CCKBR: variants seen among roughly 807,000 people sequenced by gnomAD.
The protein encoded by CCKBR is cholecystokinin B receptor, also known as gastrin/cholecystokinin type B receptor.
Under a neutral mutation model 34.6 loss-of-function variants are expected in CCKBR, and 33 were observed. The ratio of observed to expected loss-of-function variants is 0.95; its 90% CI spans 0.72 to 1.27. The LOEUF (loss-of-function observed/expected upper bound fraction) is 1.27, where lower values mean the gene tolerates loss of function less well. Among genes scored for constraint, CCKBR ranks in the 50% most tolerant of loss-of-function variants. CCKBR has a pLI of 0.00. For synonymous variants in CCKBR, 269 were observed against 267.5 expected, an observed-to-expected ratio of 1.01 and a Z score of -0.06; for missense variants, 652 against 617.4, an observed-to-expected ratio of 1.06 and a Z score of -0.59.
chr11:6,260,721 CTCTT>C (rs1848116961), intron 1 of CCKBR, among the ~76,000 whole-genome samples: 1 of 152,254 alleles, frequency 6.6e-6, no homozygotes, highest in Non-Finnish European at 1.5e-5. Context: ...TGTGCCCTCT[CTCTT>C]TGTCTGCAAG....
chr11:6,271,066 C>A lies in CCKBR; in HGVS notation c.867C>A (p.Asp289Glu), dbSNP rs200976920. ...CTGAGACTGGCGCGGTTGGCGAAGA[C>A]AGCGATGGCTGCTACGTGCAACTTC... ...CRPETGAVGE[D>E]SDGCYVQLPR... The change falls in exon 5 of 5, where the codon GAC becomes GAA. Residue 289 changes from aspartate to glutamate, a missense_variant. Coordinates refer to ENST00000334619, the MANE Select transcript of CCKBR (RefSeq NM_176875.4). 10 of 1,614,068 alleles carry A rather than the reference C, an allele frequency of 6.2e-6. No homozygotes were observed. The highest frequency in any genetic ancestry group is 3.3e-4 in the Middle Eastern group (2 of 6,084).
intron 1 of CCKBR, 89 bp from the exon 2 acceptor site, chr11:6,269,580 T>C: frequency 6.9e-7 from 1 of 1,450,894 alleles, no homozygotes; most frequent in Non-Finnish European, 9.5e-7. Context: ...TCTGGCTGGG[T>C]AGTGAGGGTT....
intron 1 of CCKBR, among the ~76,000 whole-genome samples, 165 bp downstream of exon 1, chr11:6,260,244 A>C (rs1848110028): frequency 7.0e-6 from 1 of 142,506 alleles, no homozygotes; most frequent in Admixed American, 7.1e-5. Context: ...CTTCACCCCC[A>C]CAGCCTACAA....
At chr11:6,260,181 C>A in intron 1 of CCKBR, 102 bp downstream of exon 1, 1 of 795,408 alleles carries the variant, frequency 1.3e-6, no homozygotes, top group Non-Finnish European at 1.9e-6. Context: ...CTCAAACGTC[C>A]ACACCGTGCC....
chr11:6,264,737 A>ACACACACACG lies in CCKBR; in HGVS notation c.151+4665_151+4666insACGCACACAC, dbSNP rs6144195. On this transcript the variant is annotated intron_variant, in intron 1 of 4. Coordinates refer to ENST00000334619, the MANE Select transcript of CCKBR (RefSeq NM_176875.4). Reference sequence around the variant, plus strand: ...AACACACATCAATACACACACACACACACACACGCATACAAGTCTAAGTCT... The same window carrying ACACACACACG: ...AACACACATCAATACACACACACACACACACACACGCACACACGCATACAAGTCTAAGTCT... 1,400 of 508,444 alleles carry ACACACACACG rather than the reference A, an allele frequency of 2.8e-3. 9 individuals carry two copies. Among genetic ancestry groups the ACACACACACG allele is most frequent in the African/African-American group, 0.018 (945 of 51,248 alleles). 31.5% of individuals were successfully genotyped at this position (508,444 alleles called of 1,614,324 possible).
At position 6,270,799 on chromosome 11, in the gene CCKBR, G is replaced by T; in HGVS notation, c.807G>T (p.Leu269=). Residue 269 remains leucine, a synonymous_variant, in exon 4 of 5, where the codon CTG becomes CTT. Transcript: ENST00000334619. ...GCAGGGTCCGAAACCAAGGCGGGCT[G>T]CCAGGTGGGGCTGGACCACGTGAGC... ...SQSRVRNQGG[L]PGAVHQNGRC... is the part of the protein sequence containing the mutation. The T allele has an allele frequency of 6.2e-7, 1 of 1,614,162 alleles. No homozygotes were observed. The highest frequency in any genetic ancestry group is 8.5e-7 in the Non-Finnish European group (1 of 1,180,042).
Position 6,270,732 on chromosome 11 carries a change from T to C in CCKBR, c.740T>C (p.Leu247Ser). 1 of 1,614,164 alleles carries C rather than the reference T, an allele frequency of 6.2e-7. No individual in the cohort carries two copies. Among genetic ancestry groups the C allele is most frequent in the Non-Finnish European group, 8.5e-7 (1 of 1,180,042 alleles). The change falls in exon 4 of 5, where the codon TTA (leucine) becomes TCA (serine). Residue 247 changes from leucine (L) to serine (S), a missense_variant. Transcript: ENST00000334619. ...AYGLISRELY[L>S]GLRFDGDSDS... ...GGGCTTATCTCTCGCGAGCTCTACT[T>C]AGGGCTTCGCTTTGACGGCGACAGT...
intron 1 of CCKBR, among the ~76,000 whole-genome samples, chr11:6,261,462 T>TATATATACACACACAC (rs764173521): frequency 2.2e-3 from 143 of 63,966 alleles, no homozygotes; most frequent in East Asian, 3.8e-3. Flanking sequence ...AAAATATATA[T>TATATATACACACACAC]ACACACACAC....
chr11:6,259,874 C>G lies in CCKBR; in HGVS notation c.-55C>G, dbSNP rs967953840. 26 of 1,358,136 alleles carry G rather than the reference C, an allele frequency of 1.9e-5. No individual in the cohort carries two copies. Among genetic ancestry groups the G allele is most frequent in the South Asian group, 1.9e-4 (11 of 57,982 alleles). The allele number at this position is 1,358,136 out of a possible 1,614,324, so 84.1% of individuals were successfully genotyped here. On this transcript the variant is annotated 5_prime_UTR_variant, in exon 1 of 5. Transcript: ENST00000334619. ...GAATCGCAGCGTGAGCAGGTGGAGC[C>G]GCGTTGGGAGCCCGCCGGGTCGAGC...
In CCKBR at chr11:6,270,319, C is replaced by T. The variant is rs201033271; in HGVS notation, c.635C>T (p.Ala212Val). 3.1e-6 allele frequency: 5 copies of T among 1,612,254 alleles called. No homozygotes were observed. Among genetic ancestry groups the T allele is most frequent in the Non-Finnish European group, 4.2e-6 (5 of 1,179,424 alleles). Residue 212 changes from alanine to valine, a missense_variant, in exon 3 of 5, where the codon GCG (alanine) becomes GTG (valine). Coordinates refer to ENST00000334619, the MANE Select transcript of CCKBR (RefSeq NM_176875.4). ...CAGTGCGTGCATCGCTGGCCCAGTG[C>T]GCGGGTCCGCCAGACCTGGTGAGCT... The part of the protein sequence containing the change: ...VLQCVHRWPS[A>V]RVRQTWSVLL...
intron 1 of CCKBR, among the ~76,000 whole-genome samples, chr11:6,265,356 G>T (rs535304343): frequency 3.3e-5 from 5 of 152,176 alleles, no homozygotes; most frequent in African/African-American, 1.2e-4. Flanking sequence ...CCATCTTTAT[G>T]GTCTATCACA....
At chr11:6,263,415 A>G (rs1374622612) in intron 1 of CCKBR, among the ~76,000 whole-genome samples, 1 of 152,160 alleles carries the variant, frequency 6.6e-6, no homozygotes, top group Non-Finnish European at 1.5e-5. Context: ...AAAAGCTTAA[A>G]TATTACTTAC....
chr11:6,270,013 T>A, intron 2 of CCKBR, 75 bp from the exon 3 acceptor site: 1 of 1,589,470 alleles, frequency 6.3e-7, no homozygotes, highest in Non-Finnish European at 8.6e-7. Flanking sequence ...CAGGGAGGGG[T>A]GTGAGGAAGT....
intron 4 of CCKBR, 58 bp from the exon 5 acceptor site, chr11:6,270,953 T>A (rs1848295972): frequency 6.2e-6 from 10 of 1,612,798 alleles, no homozygotes; most frequent in South Asian, 1.1e-5. Context: ...AGGTGGGGAC[T>A]GGGCTGGAGA....
At position 6,271,052 on chromosome 11, in the gene CCKBR, G is replaced by A. The variant is rs777883079; in HGVS notation, c.853G>A (p.Ala285Thr). The change falls in exon 5 of 5, where the codon GCG becomes ACG. Residue 285 changes from alanine to threonine, a missense_variant. Transcript: ENST00000334619. ...QNGRCRPETGAVGEDSDGCYV... is the reference protein window; with the variant it reads ...QNGRCRPETGTVGEDSDGCYV... ...CGGGCGTTGCCGGCCTGAGACTGGC[G>A]CGGTTGGCGAAGACAGCGATGGCTG... The A allele has an allele frequency of 8.1e-6, 13 of 1,614,046 alleles. No homozygotes were observed. Among genetic ancestry groups the A allele is most frequent in the South Asian group, 4.4e-5 (4 of 91,088 alleles).
rs764410444 is a variant in CCKBR at position 6,271,446 on chromosome 11, G to A, written c.1247G>A (p.Arg416His). 6.2e-6 allele frequency: 10 copies of A among 1,613,324 alleles called. No homozygotes were observed. In the East Asian group the frequency reaches 1.6e-4, roughly 25 times the overall value. Residue 416 changes from arginine to histidine, a missense_variant, in exon 5 of 5, where the codon CGC becomes CAC. Physicochemically the swap from Arg to His is conservative, Grantham distance 29. Transcript: ENST00000334619. ...ARCCPRPPRARPRALPDEDPP... is the reference protein window; with the variant it reads ...ARCCPRPPRAHPRALPDEDPP... Reference sequence around the variant, plus strand: ...TGCTGCCCCCGGCCTCCACGAGCTCGCCCCAGGGCTCTTCCCGATGAGGAC... The same window carrying A: ...TGCTGCCCCCGGCCTCCACGAGCTCACCCCAGGGCTCTTCCCGATGAGGAC...
At position 6,260,052 on chromosome 11, in the gene CCKBR, C is replaced by G; in HGVS notation, c.124C>G (p.Pro42Ala). 1 of 1,595,706 alleles carries G rather than the reference C, an allele frequency of 6.3e-7. No individual in the cohort carries two copies. The highest frequency in any genetic ancestry group is 8.5e-7 in the Non-Finnish European group (1 of 1,173,298). Residue 42 changes from proline to alanine, a missense_variant, in exon 1 of 5, where the codon CCT becomes GCT. Transcript: ENST00000334619. ...SSVGNLSCEPPRIRGAGTREL... is the reference protein window; with the variant it reads ...SSVGNLSCEPARIRGAGTREL... ...TGTGGGCAACCTCAGCTGCGAGCCC[C>G]CTCGCATTCGCGGAGCCGGGACACG...
chr11:6,261,738 C>G (rs35684069), intron 1 of CCKBR, among the ~76,000 whole-genome samples: 106,422 of 151,600 alleles, frequency 0.7, 38,153 homozygotes, highest in East Asian at 0.94. Flanking sequence ...GGACTTTCTC[C>G]CGAGGGCAAT....
chr11:6,270,720 G>C lies in CCKBR; in HGVS notation c.728G>C (p.Arg243Pro). ...GCCGTGGCCTACGGGCTTATCTCTC[G>C]CGAGCTCTACTTAGGGCTTCGCTTT... ...VMAVAYGLIS[R>P]ELYLGLRFDG... The change falls in exon 4 of 5, where the codon CGC becomes CCC. Residue 243 changes from arginine to proline, a missense_variant. Coordinates refer to ENST00000334619, the MANE Select transcript of CCKBR (RefSeq NM_176875.4). The C allele has an allele frequency of 6.2e-7, 1 of 1,614,144 alleles. No individual in the cohort carries two copies. The highest frequency in any genetic ancestry group is 8.5e-7 in the Non-Finnish European group (1 of 1,180,016).
Sources: allele counts gnomAD v4.1 joint callset (sites outside exome capture counted in the v4.1 genomes callset), GRCh38; gene constraint gnomAD v4.1.1; transcripts MANE v1.5; gene names NCBI Gene and HGNC (gene_info 2026-07-23, HGNC 2026-07-21).